Variants in GRIA1 observed in about 807,000 individuals in gnomAD.
GRIA1 encodes glutamate receptor 1.
Under a neutral mutation model 99.2 loss-of-function variants are expected in GRIA1, and 31 were observed. The observed-to-expected ratio is 0.31, with a 90% CI of 0.23 to 0.42. GRIA1 has a LOEUF of 0.42. Ranked by LOEUF, GRIA1 falls within the 10% of genes least tolerant of loss-of-function variation. The probability of loss-of-function intolerance (pLI) is 1.00; values close to 1 mark genes in which losing one functional copy is unlikely to be tolerated. For synonymous variants in GRIA1, 438 were observed against 432.4 expected (o/e 1.01, Z -0.16); for missense variants, 782 against 1,157.5 (o/e 0.68, Z 4.71).
chr5:153,646,333 G>A lies in GRIA1; in HGVS notation c.221-595G>A, dbSNP rs765751239. 1.1e-3 allele frequency among the ~76,000 whole-genome samples: 167 copies of A among 152,310 alleles called. 1 individual carries two copies. Among genetic ancestry groups the A allele is most frequent in the Non-Finnish European group, 2.1e-3 (143 of 68,026 alleles). On this transcript the variant is annotated intron_variant, in intron 2 of 15. Coordinates refer to ENST00000285900, the MANE Select transcript of GRIA1 (RefSeq NM_000827.4). The stretch of plus-strand genomic sequence containing the variant: ...AAAATCGACACTTGTTTTCTTAAAC[G>A]TGTATTAGCAGCAATAGCTGGATTC...
intron 5 of GRIA1, among the ~76,000 whole-genome samples, chr5:153,669,644 A>T (rs557372157): frequency 1.3e-5 from 2 of 152,236 alleles, no homozygotes; most frequent in South Asian, 2.1e-4. Flanking sequence ...TTCACATGAT[A>T]AAACAGATAT....
At chr5:153,770,068 C>A in intron 12 of GRIA1, 100 bp from the exon 13 acceptor site, 2 of 1,200,362 alleles carry the variant, frequency 1.7e-6, no homozygotes, top group Non-Finnish European at 2.4e-6. Flanking sequence ...TAATCTCGCT[C>A]ATGAATGTGT....
At chr5:153,607,679 C>T (rs1041289074) in intron 2 of GRIA1, among the ~76,000 whole-genome samples, 2 of 152,028 alleles carry the variant, frequency 1.3e-5, no homozygotes, top group African/African-American at 4.8e-5. Flanking sequence ...GCCACTTACA[C>T]CCTTTTCCCA....
intron 2 of GRIA1, among the ~76,000 whole-genome samples, chr5:153,600,336 G>C (rs990061358): frequency 7.7e-5 from 11 of 143,194 alleles, no homozygotes; most frequent in African/African-American, 2.6e-4. Context: ...AGTTTGCAGT[G>C]AGCCGAGATC....
chr5:153,688,370 T>C (rs1001073217), intron 8 of GRIA1, among the ~76,000 whole-genome samples: 1 of 152,220 alleles, frequency 6.6e-6, no homozygotes, highest in Non-Finnish European at 1.5e-5. Flanking sequence ...CCAGAAATAG[T>C]CCAAGTCTGA....
At chr5:153,795,331 CG>C (rs1286014752) in intron 14 of GRIA1, 2 of 557,880 alleles carry the variant, frequency 3.6e-6, no homozygotes, top group Non-Finnish European at 6.6e-6. Context: ...CATGGTGGGG[CG>C]GGGCCAGATG....
chr5:153,574,087 G>T (rs1016720090), intron 2 of GRIA1, among the ~76,000 whole-genome samples: 11 of 152,100 alleles, frequency 7.2e-5, no homozygotes, highest in Admixed American at 2.0e-4. Flanking sequence ...AGTAACTGGG[G>T]TCTGGAAATG....
chr5:153,807,366 T>A (rs1055401706), intron 15 of GRIA1, among the ~76,000 whole-genome samples: 1 of 152,186 alleles, frequency 6.6e-6, no homozygotes, highest in Non-Finnish European at 1.5e-5. Context: ...AACACTTGCA[T>A]GTTCAATGAG....
intron 11 of GRIA1, among the ~76,000 whole-genome samples, chr5:153,755,835 C>T (rs1561833609): frequency 6.6e-6 from 1 of 152,212 alleles, no homozygotes; most frequent in South Asian, 2.1e-4. Flanking sequence ...TGGCAGAGCC[C>T]AAGACCTAAG....
In GRIA1 at chr5:153,698,119, G is replaced by A. The variant is rs954150533; in HGVS notation, c.1210G>A (p.Val404Ile). The change falls in exon 9 of 16, where the codon GTT becomes ATT. Residue 404 changes from valine (V) to isoleucine (I), a missense_variant. Coordinates refer to ENST00000285900, the MANE Select transcript of GRIA1 (RefSeq NM_000827.4). The stretch of plus-strand genomic sequence containing the variant: ...CCAAGCTGGGGGCGATAATTCAAGT[G>A]TTCAGAACAGAACATACATCGTCAC... Reference protein sequence around the residue: ...DAQAGGDNSSVQNRTYIVTTI... With the variant: ...DAQAGGDNSSIQNRTYIVTTI... 2 of 1,607,272 alleles carry A rather than the reference G, an allele frequency of 1.2e-6. No individual in the cohort carries two copies. Among genetic ancestry groups the A allele is most frequent in the Non-Finnish European group, 1.7e-6 (2 of 1,173,844 alleles).
chr5:153,590,433 C>T (rs371142589), intron 2 of GRIA1, among the ~76,000 whole-genome samples: 25 of 151,630 alleles, frequency 1.6e-4, no homozygotes, highest in African/African-American at 5.8e-4. Flanking sequence ...AAAATCAAGA[C>T]TGAGAGACCG....
At chr5:153,799,030 A>G (rs190895093) in intron 14 of GRIA1, among the ~76,000 whole-genome samples, 16 of 152,100 alleles carry the variant, frequency 1.1e-4, no homozygotes, top group Non-Finnish European at 2.4e-4. Flanking sequence ...TCTTCTTGGT[A>G]CTGTCACTCT....
intron 6 of GRIA1, among the ~76,000 whole-genome samples, chr5:153,675,262 C>T (rs1308049584): frequency 2.0e-5 from 3 of 152,182 alleles, no homozygotes; most frequent in African/African-American, 4.8e-5. Flanking sequence ...GATTGAGCTT[C>T]TTTGTGTAGT....
intron 11 of GRIA1, among the ~76,000 whole-genome samples, chr5:153,720,716 G>A (rs1162746022): frequency 1.3e-5 from 2 of 152,204 alleles, no homozygotes. Flanking sequence ...CTGTGGCTAT[G>A]TGCCCATGGG....
intron 15 of GRIA1, among the ~76,000 whole-genome samples, chr5:153,806,284 G>C (rs1348864631): frequency 6.6e-6 from 1 of 150,456 alleles, no homozygotes; most frequent in Non-Finnish European, 1.5e-5. Flanking sequence ...ATTTTATTTT[G>C]AGACGGAGTC....
chr5:153,763,559 A>C (rs1252486966), intron 11 of GRIA1, among the ~76,000 whole-genome samples: 1 of 152,210 alleles, frequency 6.6e-6, no homozygotes, highest in Non-Finnish European at 1.5e-5. Context: ...TCATTATGAT[A>C]TGATGCCCTA....
At chr5:153,651,938 A>G (rs1177509250) in intron 4 of GRIA1, among the ~76,000 whole-genome samples, 1 of 152,244 alleles carries the variant, frequency 6.6e-6, no homozygotes, top group East Asian at 1.9e-4. Flanking sequence ...GACCTTGACC[A>G]GGTTTTTAAT....
At chr5:153,513,255 G>A (rs1756279811) in intron 2 of GRIA1, among the ~76,000 whole-genome samples, 2 of 152,160 alleles carry the variant, frequency 1.3e-5, no homozygotes, top group African/African-American at 4.8e-5. Context: ...GGGAACCAGA[G>A]GGAGTCCTAT....
At chr5:153,672,933 T>C (rs938676325) in intron 5 of GRIA1, among the ~76,000 whole-genome samples, 7 of 152,232 alleles carry the variant, frequency 4.6e-5, no homozygotes, top group African/African-American at 1.7e-4. Flanking sequence ...GTGGAAGATC[T>C]GCATGTGACT....
Sources: gnomAD v4.1 joint callset for allele counts (sites outside exome capture counted in the v4.1 genomes callset) on GRCh38, gnomAD v4.1.1 for gene constraint, MANE v1.5 for transcripts, NCBI Gene and HGNC (gene_info 2026-07-23, HGNC 2026-07-21) for gene names.